The following UBE2W variants were observed in gnomAD, a reference collection of about 807,000 sequenced individuals.
UBE2W encodes ubiquitin conjugating enzyme E2 W, also known as ubiquitin-conjugating enzyme E2 W.
In UBE2W, 18 loss-of-function variants were observed where a neutral mutation model predicts 27.2. The ratio of observed to expected loss-of-function variants is 0.66; its 90% CI spans 0.46 to 0.98. The LOEUF is 0.98. UBE2W is among the 50% of genes least tolerant of loss of function. UBE2W has a pLI of 0.00. For synonymous variants in UBE2W, 53 were observed against 57.2 expected (o/e 0.93, Z 0.33); for missense variants, 90 against 180.2 (o/e 0.50, Z 2.87).
chr8:73,808,886 AAT>A (rs1809029616), intron 4 of UBE2W, among the ~76,000 whole-genome samples: 1 of 152,222 alleles, frequency 6.6e-6, no homozygotes, highest in Non-Finnish European at 1.5e-5. Flanking sequence ...AAGTACACAG[AAT>A]ATAGTCATTC....
intron 1 of UBE2W, among the ~76,000 whole-genome samples, chr8:73,833,456 T>C (rs1485515759): frequency 1.3e-5 from 2 of 152,222 alleles, no homozygotes; most frequent in East Asian, 1.9e-4. Context: ...TTCAAGGTTA[T>C]TGTTAATGAA....
intron 1 of UBE2W, among the ~76,000 whole-genome samples, chr8:73,855,206 CAGAA>C (rs1811235857): frequency 6.6e-6 from 1 of 151,984 alleles, no homozygotes; most frequent in Non-Finnish European, 1.5e-5. Flanking sequence ...AAAAATACAC[CAGAA>C]TAGTGAGAGA....
intron 5 of UBE2W, among the ~76,000 whole-genome samples, chr8:73,800,901 T>C (rs1808609995): frequency 6.6e-6 from 1 of 152,136 alleles, no homozygotes; most frequent in Non-Finnish European, 1.5e-5. Flanking sequence ...AAGACCAGCC[T>C]GACCAACATG....
intron 1 of UBE2W, among the ~76,000 whole-genome samples, chr8:73,852,445 GAATGA>G (rs1351899829): frequency 6.6e-6 from 1 of 152,176 alleles, no homozygotes; most frequent in African/African-American, 2.4e-5. Flanking sequence ...CCTTGACTCA[GAATGA>G]AATAAAATAC....
chr8:73,815,981 A>T (rs1809370302), intron 3 of UBE2W, among the ~76,000 whole-genome samples: 1 of 152,250 alleles, frequency 6.6e-6, no homozygotes, highest in South Asian at 2.1e-4. Flanking sequence ...TTTATGTATA[A>T]CATACAATAT....
At chr8:73,830,284 T>G in intron 2 of UBE2W, 97 bp downstream of exon 2, 2 of 852,288 alleles carry the variant, frequency 2.3e-6, no homozygotes, top group Non-Finnish European at 3.8e-6. Flanking sequence ...GGTGAAAGAA[T>G]GAAATGTGAA....
intron 1 of UBE2W, among the ~76,000 whole-genome samples, chr8:73,847,845 T>C (rs1021552549): frequency 2.6e-5 from 4 of 151,690 alleles, no homozygotes; most frequent in African/African-American, 9.7e-5. Flanking sequence ...GAGGTTGCCA[T>C]GAGCCAAGAT....
chr8:73,792,807 A>C lies in UBE2W; in HGVS notation c.*1295T>G. 2 of 985,576 alleles carry C rather than the reference A, an allele frequency of 2.0e-6. No individual in the cohort carries two copies. Among genetic ancestry groups the C allele is most frequent in the South Asian group, 4.7e-5 (1 of 21,292 alleles). 61.1% of individuals were successfully genotyped at this position (985,576 alleles called of 1,614,324 possible). A position where few individuals can be genotyped will look rare whatever the true frequency, so the allele number is the denominator to read the frequency against. ...TTTCAACAATTTTTTTTTTCTATAG[A>C]AAGTTTCATCTAGCTGTAAGCAAAG... On this transcript the variant is annotated 3_prime_UTR_variant, in exon 6 of 6. Transcript: ENST00000602593.
intron 1 of UBE2W, among the ~76,000 whole-genome samples, chr8:73,844,829 C>T (rs1352027092): frequency 6.6e-6 from 1 of 151,588 alleles, no homozygotes; most frequent in African/African-American, 2.4e-5. Flanking sequence ...AGTGTCTCTG[C>T]ACCGCCGCCA....
chr8:73,827,259 G>A (rs1052179261), intron 2 of UBE2W, among the ~76,000 whole-genome samples: 2 of 152,090 alleles, frequency 1.3e-5, no homozygotes, highest in African/African-American at 4.8e-5. Context: ...TGTTGCCCAG[G>A]CTGGAGTGCA....
chr8:73,786,673 C>T lies in UBE2W; in HGVS notation c.*7429G>A, dbSNP rs1001701659. 3.0e-6 allele frequency: 3 copies of T among 985,260 alleles called. No individual in the cohort carries two copies. The African/African-American group carries it at 5.2e-5, about 17-fold the overall frequency. The allele number at this position is 985,260 out of a possible 1,614,324, so 61.0% of individuals were successfully genotyped here. Reference sequence around the variant, plus strand: ...GCTTGCATTGCTACTGCTTATGAAACAAGGTTTGTGGACAGCTGAAGAGCA... The same window carrying T: ...GCTTGCATTGCTACTGCTTATGAAATAAGGTTTGTGGACAGCTGAAGAGCA... On this transcript the variant is annotated 3_prime_UTR_variant, in exon 6 of 6. Coordinates refer to ENST00000602593, the MANE Select transcript of UBE2W (RefSeq NM_018299.6).
intron 5 of UBE2W, among the ~76,000 whole-genome samples, chr8:73,794,342 T>C (rs1196258929): frequency 6.6e-6 from 1 of 152,214 alleles, no homozygotes; most frequent in African/African-American, 2.4e-5. Context: ...TAAAATGATA[T>C]GTTATTAGCA....
chr8:73,852,032 A>C (rs988449830), intron 1 of UBE2W, among the ~76,000 whole-genome samples: 10 of 145,104 alleles, frequency 6.9e-5, no homozygotes, highest in African/African-American at 2.6e-4. Flanking sequence ...AGGAAAAAGG[A>C]GGGATGGGGA....
intron 1 of UBE2W, among the ~76,000 whole-genome samples, chr8:73,871,080 T>C (rs1437264814): frequency 6.6e-6 from 1 of 152,160 alleles, no homozygotes; most frequent in Non-Finnish European, 1.5e-5. Flanking sequence ...CTATTGGGAA[T>C]CTAAAGAGAT....
At chr8:73,849,225 T>C (rs533268828) in intron 1 of UBE2W, among the ~76,000 whole-genome samples, 3 of 152,128 alleles carry the variant, frequency 2.0e-5, no homozygotes, top group South Asian at 2.1e-4. Context: ...CTAAAAAATA[T>C]TGTAGGCCAG....
intron 1 of UBE2W, among the ~76,000 whole-genome samples, chr8:73,864,115 T>C (rs1176477589): frequency 6.6e-6 from 1 of 152,042 alleles, no homozygotes; most frequent in Non-Finnish European, 1.5e-5. Context: ...AAAATACAGC[T>C]GGGCAGAGTG....
At chr8:73,849,785 A>G (rs940703470) in intron 1 of UBE2W, among the ~76,000 whole-genome samples, 1 of 152,064 alleles carries the variant, frequency 6.6e-6, no homozygotes, top group African/African-American at 2.4e-5. Flanking sequence ...AAAAGATATT[A>G]CTAAAATGTT....
intron 5 of UBE2W, among the ~76,000 whole-genome samples, chr8:73,798,466 C>G (rs961502994): frequency 6.6e-6 from 1 of 152,158 alleles, no homozygotes; most frequent in Admixed American, 6.5e-5. Context: ...ACTTCTGGTC[C>G]CAACCATTTC....
In UBE2W at chr8:73,803,002, C is replaced by A. The variant is rs1424465706; in HGVS notation, c.442+2649G>T. 3.3e-5 allele frequency among the ~76,000 whole-genome samples: 5 copies of A among 151,708 alleles called. No homozygotes were observed. The East Asian group carries it at 5.8e-4, about 18-fold the overall frequency. On this transcript the variant is annotated intron_variant, in intron 5 of 5. Coordinates refer to ENST00000602593, the MANE Select transcript of UBE2W (RefSeq NM_018299.6). ...TTGCGAAACTGCACTCCAGCCTGGG[C>A]GACAGCAAGACTCCGTCTCAAAATA... is the stretch of plus-strand genomic sequence containing the variant.
Sources: gnomAD v4.1 joint callset for allele counts (sites outside exome capture counted in the v4.1 genomes callset) on GRCh38, gnomAD v4.1.1 for gene constraint, MANE v1.5 for transcripts, NCBI Gene and HGNC (gene_info 2026-07-23, HGNC 2026-07-21) for gene names.